ZFR: variants seen among roughly 807,000 people sequenced by gnomAD.
ZFR encodes the protein zinc finger RNA binding protein.
A neutral mutation model predicts 130.7 loss-of-function variants in ZFR; 19 were observed. The observed-to-expected ratio is 0.15, with a 90% CI of 0.10 to 0.21. The LOEUF (loss-of-function observed/expected upper bound fraction) is 0.21, where lower values mean the gene tolerates loss of function less well. ZFR is among the 10% of genes least tolerant of loss of function. ZFR has a pLI of 1.00. For synonymous variants in ZFR, 466 were observed against 456.9 expected, an observed-to-expected ratio of 1.02 and a Z score of -0.25; for missense variants, 872 against 1,321.5, an observed-to-expected ratio of 0.66 and a Z score of 5.27.
chr5:32,400,746 T>C (rs773096506), intron 8 of ZFR, among the ~76,000 whole-genome samples: 35 of 152,144 alleles, frequency 2.3e-4, no homozygotes, highest in Non-Finnish European at 3.7e-4. Context: ...CCTAGCTACT[T>C]GTGGGGCTGA....
At chr5:32,356,184 C>A (rs1244935059) in intron 19 of ZFR, among the ~76,000 whole-genome samples, 25 of 151,616 alleles carry the variant, frequency 1.6e-4, no homozygotes, top group African/African-American at 4.8e-4. Context: ...AACTTTAACA[C>A]ACACACAAAA....
intron 17 of ZFR, among the ~76,000 whole-genome samples, chr5:32,371,882 T>TA (rs1250112254): frequency 2.6e-5 from 4 of 151,000 alleles, no homozygotes; most frequent in African/African-American, 9.7e-5. Flanking sequence ...AAAAACTTCA[T>TA]AGAGCCCCAA....
At position 32,355,817 on chromosome 5, in the gene ZFR, T is replaced by A; in HGVS notation, c.3168A>T (p.Gly1056=). 6.2e-7 allele frequency: 1 copy of A among 1,609,626 alleles called. No individual in the cohort carries two copies. Among genetic ancestry groups the A allele is most frequent in the Non-Finnish European group, 8.5e-7 (1 of 1,178,522 alleles). Residue 1056 remains glycine, a synonymous_variant, in exon 20 of 20, where the codon GGA becomes GGT. Transcript: ENST00000265069. ...TCCCCTCAGCTTCAAATCCATCAAC[T>A]CCATCACTATCTCTTCTTCGTTTCC... ...NNRKRRRDSD[G]VDGFEAEGKK...
At chr5:32,401,908 C>G (rs1051137876) in intron 8 of ZFR, among the ~76,000 whole-genome samples, 2 of 152,050 alleles carry the variant, frequency 1.3e-5, no homozygotes, top group African/African-American at 4.8e-5. Flanking sequence ...GCAATAAAAA[C>G]AAAGAAATAA....
At chr5:32,423,189 C>T (rs1157257096) in intron 2 of ZFR, among the ~76,000 whole-genome samples, 1 of 151,932 alleles carries the variant, frequency 6.6e-6, no homozygotes, top group East Asian at 1.9e-4. Context: ...AAAAATTAGC[C>T]GCGTGTCGTG....
rs1753791545 is a variant in ZFR, at chr5:32,415,210, G to T, written c.566-23C>A. 3 of 1,606,054 alleles carry T rather than the reference G, an allele frequency of 1.9e-6. No homozygotes were observed. In the East Asian group the frequency reaches 6.7e-5, roughly 36 times the overall value. ...GGGCTGAAGTAGGAAAGAGACATCA[G>T]AAAATTAGAAGAGTAAGCCACTATA... On this transcript the variant is annotated intron_variant, in intron 4 of 19. Coordinates refer to ENST00000265069, the MANE Select transcript of ZFR (RefSeq NM_016107.5).
chr5:32,400,208 A>G lies in ZFR; in HGVS notation c.1517-5T>C, dbSNP rs768566172. 23 of 1,554,852 alleles carry G rather than the reference A, an allele frequency of 1.5e-5. No homozygotes were observed. The highest frequency in any genetic ancestry group is 6.4e-5 in the Admixed American group (3 of 47,086). On this transcript the variant is annotated splice_region_variant and splice_polypyrimidine_tract_variant and intron_variant, in intron 8 of 19. Transcript: ENST00000265069. ...TTGACTGCAGCTTATTACCACCTAG[A>G]AAAGTATCAAAAAGTTAAAAAAAAT...
chr5:32,425,353 C>T (rs1184517810), intron 2 of ZFR, among the ~76,000 whole-genome samples: 1 of 152,038 alleles, frequency 6.6e-6, no homozygotes, highest in African/African-American at 2.4e-5. Flanking sequence ...GCCAGGCTGC[C>T]TTCATATATT....
At chr5:32,367,504 T>C (rs931781554) in intron 17 of ZFR, among the ~76,000 whole-genome samples, 2 of 152,064 alleles carry the variant, frequency 1.3e-5, no homozygotes, top group African/African-American at 4.8e-5. Context: ...CACTGTAGCC[T>C]TGACCTCCCA....
intron 9 of ZFR, among the ~76,000 whole-genome samples, 192 bp from the exon 10 acceptor site, chr5:32,397,530 T>C (rs1192507762): frequency 6.6e-6 from 1 of 152,162 alleles, no homozygotes; most frequent in Non-Finnish European, 1.5e-5. Flanking sequence ...CTCAGCTCAC[T>C]ACAACCTCAG....
chr5:32,397,301 C>T lies in ZFR; in HGVS notation c.1751G>A (p.Cys584Tyr). ...NDEGKVIRFH[C>Y]KLCECSFNDP... is the part of the protein sequence containing the mutation. ...ATTAAAGCTGCACTCGCATAATTTACAATGGAACCGAATTACTTTTCCTTC... is the reference window on the plus strand; with the variant it reads ...ATTAAAGCTGCACTCGCATAATTTATAATGGAACCGAATTACTTTTCCTTC... Residue 584 changes from cysteine (C) to tyrosine (Y), a missense_variant, in exon 10 of 20, where the codon TGT becomes TAT. Coordinates refer to ENST00000265069, the MANE Select transcript of ZFR (RefSeq NM_016107.5). The T allele has an allele frequency of 6.2e-7, 1 of 1,613,238 alleles. No homozygotes were observed. The highest frequency in any genetic ancestry group is 8.5e-7 in the Non-Finnish European group (1 of 1,179,634).
At chr5:32,373,234 A>T (rs1752717222) in intron 17 of ZFR, among the ~76,000 whole-genome samples, 1 of 152,116 alleles carries the variant, frequency 6.6e-6, no homozygotes, top group Admixed American at 6.5e-5. Context: ...CTCTACTAAA[A>T]ATACAAAAAT....
intron 4 of ZFR, among the ~76,000 whole-genome samples, chr5:32,416,126 G>A (rs1753821132): frequency 6.6e-6 from 1 of 152,000 alleles, no homozygotes; most frequent in Non-Finnish European, 1.5e-5. Flanking sequence ...TTTGATCCAT[G>A]TAACACAAAA....
At chr5:32,406,067 T>C (rs971037805) in intron 6 of ZFR, among the ~76,000 whole-genome samples, 1 of 152,196 alleles carries the variant, frequency 6.6e-6, no homozygotes, top group Non-Finnish European at 1.5e-5. Flanking sequence ...AATTTTAATA[T>C]AAAAAGTTGA....
chr5:32,413,348 G>C (rs1405496728), intron 5 of ZFR, among the ~76,000 whole-genome samples: 1 of 152,170 alleles, frequency 6.6e-6, no homozygotes, highest in East Asian at 1.9e-4. Context: ...TTACAGAATA[G>C]CACGTATAAG....
intron 8 of ZFR, among the ~76,000 whole-genome samples, chr5:32,401,787 A>G (rs1308467277): frequency 6.6e-6 from 1 of 152,212 alleles, no homozygotes; most frequent in East Asian, 1.9e-4. Context: ...AGTAAGAAAT[A>G]AAGCTCCAAG....
intron 17 of ZFR, among the ~76,000 whole-genome samples, chr5:32,376,396 C>T (rs1752809394): frequency 6.6e-6 from 1 of 151,910 alleles, no homozygotes; most frequent in South Asian, 2.1e-4. Context: ...CCTATAATCC[C>T]AGCATTTTGG....
rs1344352770 is a variant in ZFR at position 32,390,210 on chromosome 5, T to C, written c.2142+65A>G. 17 of 1,544,382 alleles carry C rather than the reference T, an allele frequency of 1.1e-5. No individual in the cohort carries two copies. In the East Asian group the frequency reaches 1.6e-4, roughly 14 times the overall value. ...AGTCTAAACATTAGCCCCTCCAAAA[T>C]TGTTTTCTTCTAATGCTGAACCAGT... is the stretch of plus-strand genomic sequence containing the variant. On this transcript the variant is annotated intron_variant, in intron 12 of 19. Coordinates refer to ENST00000265069, the MANE Select transcript of ZFR (RefSeq NM_016107.5).
chr5:32,415,214 A>G (rs1753791638), intron 4 of ZFR, 27 bp from the exon 5 acceptor site: 2 of 1,600,498 alleles, frequency 1.2e-6, no homozygotes, highest in Non-Finnish European at 1.7e-6. Flanking sequence ...ACATCAGAAA[A>G]TTAGAAGAGT....
Sources: gnomAD v4.1 joint callset for allele counts (sites outside exome capture counted in the v4.1 genomes callset) on GRCh38, gnomAD v4.1.1 for gene constraint, MANE v1.5 for transcripts, NCBI Gene and HGNC (gene_info 2026-07-23, HGNC 2026-07-21) for gene names.